DHRS3: variants seen among roughly 807,000 people sequenced by gnomAD.
DHRS3 encodes the protein dehydrogenase/reductase 3.
DHRS3 carries 14 observed loss-of-function variants against 27.2 expected under a neutral mutation model. That is an observed-to-expected ratio of 0.52 (90% CI 0.34 to 0.81). DHRS3 has a LOEUF of 0.81. Ranked by LOEUF, DHRS3 falls within the 30% of genes least tolerant of loss-of-function variation. The pLI, the probability that DHRS3 is intolerant of heterozygous loss-of-function variation, is 0.01. For synonymous variants in DHRS3, 165 were observed against 175.9 expected, an observed-to-expected ratio of 0.94 and a Z score of 0.49; for missense variants, 322 against 406.2, an observed-to-expected ratio of 0.79 and a Z score of 1.78.
rs1200645823 is a variant in DHRS3, at chr1:12,591,185, A to G, written c.196-10519T>C. Among the ~76,000 whole-genome samples the G allele has an allele frequency of 6.6e-6, 1 of 152,210 alleles. No homozygotes were observed. On this transcript the variant is annotated intron_variant, in intron 1 of 5. Coordinates refer to ENST00000616661, the MANE Select transcript of DHRS3 (RefSeq NM_004753.7). The surrounding 1 kb of genome is among the most constrained non-coding windows in gnomAD (Gnocchi z 4.1). ...AGTAACAGCTAGCATTTATTGGTGT[A>G]GCCCTAGGTCGTTACAGGTGCCCCA...
rs552005327 is a variant in DHRS3, at chr1:12,617,413, A to C, written c.-65T>G. 6 of 1,505,204 alleles carry C rather than the reference A, an allele frequency of 4.0e-6. No individual in the cohort carries two copies. The highest frequency in any genetic ancestry group is 1.8e-4 in the Middle Eastern group (1 of 5,660). 93.2% of individuals were successfully genotyped at this position (1,505,204 alleles called of 1,614,324 possible). A position where few individuals can be genotyped will look rare whatever the true frequency, so the allele number is the denominator to read the frequency against. On this transcript the variant is annotated 5_prime_UTR_variant, in exon 1 of 6. Coordinates refer to ENST00000616661, the MANE Select transcript of DHRS3 (RefSeq NM_004753.7). ...GGGCCGAGCAATACAGGAATTAAAAAACACCCCGAACAATAAATAGTAAAC... is the reference window on the plus strand; with the variant it reads ...GGGCCGAGCAATACAGGAATTAAAACACACCCCGAACAATAAATAGTAAAC...
chr1:12,569,261 A>ACT (rs1646514379), intron 5 of DHRS3, among the ~76,000 whole-genome samples: 1 of 142,394 alleles, frequency 7.0e-6, no homozygotes, highest in South Asian at 2.3e-4. Context: ...ACACACACAC[A>ACT]CTCTTTTTAA....
chr1:12,569,307 G>A (rs1055985681), intron 5 of DHRS3, among the ~76,000 whole-genome samples: 21,457 of 147,306 alleles, frequency 0.15, 1,977 homozygotes, highest in Non-Finnish European at 0.22. Flanking sequence ...GTGAGTGAGT[G>A]GTCAGAGCAA....
At chr1:12,603,258 G>A (rs1346499221) in intron 1 of DHRS3, among the ~76,000 whole-genome samples, 2 of 152,216 alleles carry the variant, frequency 1.3e-5, no homozygotes, top group Non-Finnish European at 2.9e-5. Context: ...AAGAGCCAAA[G>A]GTGGAGGTGT....
chr1:12,572,406 G>A (rs1383679053), intron 5 of DHRS3, among the ~76,000 whole-genome samples: 2 of 152,166 alleles, frequency 1.3e-5, no homozygotes, highest in African/African-American at 4.8e-5. Flanking sequence ...TCTTGACCTC[G>A]TGATCCACCT....
In DHRS3 at chr1:12,608,446, G is replaced by T. The variant is rs149802459; in HGVS notation, c.195+8708C>A. ...GCTCCCCAGCACCCTGGAAAGCCTGGACAAAGGAATGACATCACTGCTGGA... is the reference window on the plus strand; with the variant it reads ...GCTCCCCAGCACCCTGGAAAGCCTGTACAAAGGAATGACATCACTGCTGGA... On this transcript the variant is annotated intron_variant, in intron 1 of 5. Coordinates refer to ENST00000616661, the MANE Select transcript of DHRS3 (RefSeq NM_004753.7). The surrounding 1 kb of genome is among the most constrained non-coding windows in gnomAD (Gnocchi z 4.1). Among the ~76,000 whole-genome samples, 776 of 152,220 alleles carry T rather than the reference G, an allele frequency of 5.1e-3. 5 individuals carry two copies. The highest frequency in any genetic ancestry group is 0.018 in the African/African-American group (754 of 41,532).
chr1:12,585,565 G>A (rs1646690424), intron 1 of DHRS3, among the ~76,000 whole-genome samples: 1 of 152,212 alleles, frequency 6.6e-6, no homozygotes, highest in South Asian at 2.1e-4. Flanking sequence ...GAGGGAATGG[G>A]TCCCTTTCCC....
intron 1 of DHRS3, among the ~76,000 whole-genome samples, chr1:12,595,401 C>T (rs1252988854): frequency 2.3e-5 from 2 of 85,174 alleles, no homozygotes; most frequent in Non-Finnish European, 5.1e-5. Flanking sequence ...GGGGCGGGCG[C>T]GGGGCGGGGC....
rs917042199 is a variant in DHRS3 at position 12,617,358 on chromosome 1, C to G, written c.-10G>C. ...GCCGTTTCCACACCATCCTCCGCGCCGCGGAGCCGGGCAGGGGGCGAAACT... is the reference window on the plus strand; with the variant it reads ...GCCGTTTCCACACCATCCTCCGCGCGGCGGAGCCGGGCAGGGGGCGAAACT... On this transcript the variant is annotated 5_prime_UTR_variant, in exon 1 of 6. Coordinates refer to ENST00000616661, the MANE Select transcript of DHRS3 (RefSeq NM_004753.7). 1.3e-6 allele frequency: 2 copies of G among 1,594,632 alleles called. No individual in the cohort carries two copies. The highest frequency in any genetic ancestry group is 1.7e-6 in the Non-Finnish European group (2 of 1,165,350).
At chr1:12,568,661 C>T (rs960911985) in intron 5 of DHRS3, among the ~76,000 whole-genome samples, 3 of 152,128 alleles carry the variant, frequency 2.0e-5, no homozygotes, top group African/African-American at 7.2e-5. Flanking sequence ...CGCGGTGGCT[C>T]ATGTCTATAA....
In DHRS3 at chr1:12,578,373, A is replaced by C. The variant is rs959384201; in HGVS notation, c.698+345T>G. On this transcript the variant is annotated intron_variant, in intron 4 of 5. Transcript: ENST00000616661. The surrounding 1 kb of genome is among the most constrained non-coding windows in gnomAD (Gnocchi z 4.5). ...CTCCCAGGCTGGAGTGCAGTCGCAC[A>C]ATCACAGCTCACTTGCAGCCTCAAC... Among the ~76,000 whole-genome samples the C allele has an allele frequency of 1.3e-5, 2 of 152,210 alleles. No homozygotes were observed. The highest frequency in any genetic ancestry group is 2.9e-5 in the Non-Finnish European group (2 of 68,034).
intron 1 of DHRS3, among the ~76,000 whole-genome samples, chr1:12,582,573 G>A (rs1646653235): frequency 6.6e-6 from 1 of 152,166 alleles, no homozygotes; most frequent in South Asian, 2.1e-4. Flanking sequence ...TCCTCCAGGA[G>A]AAGCTGGGAG....
intron 1 of DHRS3, among the ~76,000 whole-genome samples, chr1:12,606,922 C>A (rs901711165): frequency 2.0e-5 from 3 of 152,118 alleles, no homozygotes; most frequent in Non-Finnish European, 2.9e-5. Flanking sequence ...CAATGGCTAC[C>A]AAGAGGTGGA....
chr1:12,591,970 G>A lies in DHRS3; in HGVS notation c.196-11304C>T, dbSNP rs750019875. ...GCAGAGATGTTCCTTGCCCCTCTGC[G>A]AGGACACTGGGGCTCTGATGGGGCT... On this transcript the variant is annotated intron_variant, in intron 1 of 5. Transcript: ENST00000616661. The surrounding 1 kb of genome is among the most constrained non-coding windows in gnomAD (Gnocchi z 4.1). Among the ~76,000 whole-genome samples the A allele has an allele frequency of 2.4e-4, 37 of 152,182 alleles. No individual in the cohort carries two copies. The highest frequency in any genetic ancestry group is 2.1e-4 in the South Asian group (1 of 4,824).
chr1:12,597,170 G>A (rs1489732076), intron 1 of DHRS3, among the ~76,000 whole-genome samples: 2 of 152,098 alleles, frequency 1.3e-5, no homozygotes, highest in South Asian at 2.1e-4. Context: ...TCCGCCTCCC[G>A]GGTTCAAGCG....
At chr1:12,569,545 T>C (rs928616015) in intron 5 of DHRS3, among the ~76,000 whole-genome samples, 1 of 152,114 alleles carries the variant, frequency 6.6e-6, no homozygotes, top group African/African-American at 2.4e-5. Flanking sequence ...TATACTCTTT[T>C]AGTTTTTTTA....
chr1:12,585,561 A>ATGGG (rs1306983645), intron 1 of DHRS3, among the ~76,000 whole-genome samples: 1 of 152,108 alleles, frequency 6.6e-6, no homozygotes, highest in African/African-American at 2.4e-5. Flanking sequence ...AGTGGAGGGA[A>ATGGG]TGGGTCCCTT....
chr1:12,584,503 C>G (rs1458797616), intron 1 of DHRS3, among the ~76,000 whole-genome samples: 2 of 151,528 alleles, frequency 1.3e-5, no homozygotes, highest in African/African-American at 4.9e-5. Context: ...CCCCCAGGCC[C>G]CAATTCTATC....
chr1:12,572,679 C>G, intron 5 of DHRS3, 49 bp downstream of exon 5: 1 of 1,552,754 alleles, frequency 6.4e-7, no homozygotes, highest in Non-Finnish European at 8.7e-7. Context: ...ACTAATAGAT[C>G]ACATGCGTAC....
Sources: gnomAD v4.1 joint callset for allele counts (sites outside exome capture counted in the v4.1 genomes callset) on GRCh38, gnomAD v4.1.1 for gene constraint, Gnocchi (gnomAD v3.1) non-coding constraint, MANE v1.5 for transcripts, NCBI Gene and HGNC (gene_info 2026-07-23, HGNC 2026-07-21) for gene names.